Variants in LPAR1 observed in about 807,000 individuals in gnomAD.
LPAR1 encodes LPA receptor 1.
LPAR1 carries 5 observed loss-of-function variants against 23.8 expected under a neutral mutation model. That is an observed-to-expected ratio of 0.21 (90% confidence interval 0.11 to 0.44). The LOEUF is 0.44. LPAR1 is among the 20% of genes least tolerant of loss of function. LPAR1 has a pLI of 0.99. For missense variants in LPAR1, 311 were observed against 482.8 expected (o/e 0.64, Z 3.33); for synonymous variants, 160 against 164.7 (o/e 0.97, Z 0.22).
At chr9:110,992,867 G>A (rs944216382) in intron 2 of LPAR1, among the ~76,000 whole-genome samples, 4 of 152,250 alleles carry the variant, frequency 2.6e-5, no homozygotes, top group South Asian at 4.2e-4. Flanking sequence ...CAAACAACAG[G>A]AGAAAAGCTG....
chr9:110,914,259 G>A (rs991156288), intron 5 of LPAR1, among the ~76,000 whole-genome samples: 1 of 152,162 alleles, frequency 6.6e-6, no homozygotes, highest in East Asian at 1.9e-4. Flanking sequence ...ACATACCTGA[G>A]ACTGGATAAT....
chr9:110,912,294 C>A (rs1588278929), intron 5 of LPAR1, among the ~76,000 whole-genome samples: 1 of 152,290 alleles, frequency 6.6e-6, no homozygotes, highest in Non-Finnish European at 1.5e-5. Flanking sequence ...AATTGTGCAA[C>A]TTGTGAGCTT....
intron 5 of LPAR1, among the ~76,000 whole-genome samples, chr9:110,928,783 A>G (rs909925048): frequency 6.6e-6 from 1 of 152,178 alleles, no homozygotes; most frequent in African/African-American, 2.4e-5. Context: ...CAATCCCTTC[A>G]GCATAAAATG....
At chr9:111,012,468 C>T (rs555946928) in intron 2 of LPAR1, among the ~76,000 whole-genome samples, 3,320 of 113,934 alleles carry the variant, frequency 0.029, 58 homozygotes, top group Non-Finnish European at 0.042. Flanking sequence ...TACGCACGCG[C>T]GCACACACAC....
chr9:111,035,061 C>T (rs959743717), intron 2 of LPAR1, among the ~76,000 whole-genome samples: 11 of 152,194 alleles, frequency 7.2e-5, no homozygotes, highest in African/African-American at 2.7e-4. Context: ...TCGGTATGAA[C>T]CGTGAGGCTC....
At chr9:111,027,341 T>G (rs2097710909) in intron 2 of LPAR1, among the ~76,000 whole-genome samples, 1 of 151,742 alleles carries the variant, frequency 6.6e-6, no homozygotes, top group African/African-American at 2.4e-5. Flanking sequence ...AATAAATAAA[T>G]AAATAAATAA....
chr9:111,013,399 G>C (rs2097372570), intron 2 of LPAR1, among the ~76,000 whole-genome samples: 1 of 152,116 alleles, frequency 6.6e-6, no homozygotes, highest in African/African-American at 2.4e-5. Context: ...TCTAATTAAT[G>C]TTACCTTAAA....
At chr9:110,889,335 G>A (rs1001370999) in intron 5 of LPAR1, among the ~76,000 whole-genome samples, 2 of 152,044 alleles carry the variant, frequency 1.3e-5, no homozygotes, top group Admixed American at 1.3e-4. Context: ...TCCAGCCTGG[G>A]CAACAGAGTA....
chr9:110,929,709 T>C (rs1182265340), intron 5 of LPAR1, among the ~76,000 whole-genome samples: 1 of 59,992 alleles, frequency 1.7e-5, no homozygotes, highest in Non-Finnish European at 4.9e-5. Context: ...TGTGTGTGTG[T>C]GTGTGTGTGT....
At chr9:111,013,259 C>G (rs1477185518) in intron 2 of LPAR1, among the ~76,000 whole-genome samples, 1 of 152,084 alleles carries the variant, frequency 6.6e-6, no homozygotes, top group Admixed American at 6.6e-5. Context: ...AAACTACAGA[C>G]AAAACATCCT....
At chr9:111,002,872 C>T (rs1192416156) in intron 2 of LPAR1, among the ~76,000 whole-genome samples, 3 of 152,178 alleles carry the variant, frequency 2.0e-5, no homozygotes, top group African/African-American at 7.2e-5. Context: ...GGCATGGTGG[C>T]TCACACTTGT....
intron 5 of LPAR1, among the ~76,000 whole-genome samples, chr9:110,904,894 GAT>G (rs1588236169): frequency 6.6e-6 from 1 of 152,142 alleles, no homozygotes; most frequent in African/African-American, 2.4e-5. Flanking sequence ...ATCCAAAGAG[GAT>G]ATTGTATGAC....
intron 4 of LPAR1, among the ~76,000 whole-genome samples, chr9:110,970,605 C>T (rs2096386701): frequency 6.6e-6 from 1 of 151,894 alleles, no homozygotes; most frequent in African/African-American, 2.4e-5. Flanking sequence ...TGATGACATC[C>T]CAAATGGTGT....
chr9:111,017,186 A>C (rs1026662622), intron 2 of LPAR1, among the ~76,000 whole-genome samples: 2 of 152,166 alleles, frequency 1.3e-5, no homozygotes, highest in Non-Finnish European at 2.9e-5. Context: ...TAGCACCCTA[A>C]GGTGGGCCCT....
Position 110,997,675 on chromosome 9 carries a change from G to A in LPAR1, c.-181-24117C>T, listed in dbSNP as rs145102250. ...TTTTAAGTCTCCTTAATTCTGAAGC[G>A]TATGTCTGATTACATGCCATTATCT... On this transcript the variant is annotated intron_variant, in intron 2 of 5. Transcript: ENST00000683809. Among the ~76,000 whole-genome samples, 1,509 of 152,212 alleles carry A rather than the reference G, an allele frequency of 9.9e-3. 28 individuals carry two copies. The highest frequency in any genetic ancestry group is 0.034 in the African/African-American group (1,403 of 41,522).
chr9:110,915,440 T>C (rs2092976411), intron 5 of LPAR1, among the ~76,000 whole-genome samples: 1 of 151,954 alleles, frequency 6.6e-6, no homozygotes, highest in African/African-American at 2.4e-5. Context: ...GGAAGGCTGA[T>C]GCAGAAGCAG....
intron 2 of LPAR1, among the ~76,000 whole-genome samples, chr9:110,997,094 C>G (rs1403429664): frequency 6.6e-6 from 1 of 152,186 alleles, no homozygotes; most frequent in Admixed American, 6.5e-5. Context: ...GAAACATTAA[C>G]TCTTTCACAG....
chr9:110,908,244 T>C (rs1401792427), intron 5 of LPAR1, among the ~76,000 whole-genome samples: 1 of 150,574 alleles, frequency 6.6e-6, no homozygotes, highest in Non-Finnish European at 1.5e-5. Context: ...TTTACTTAAA[T>C]TATTTTAAAA....
intron 2 of LPAR1, among the ~76,000 whole-genome samples, chr9:111,017,804 G>A (rs542536181): frequency 1.2e-4 from 18 of 152,202 alleles, no homozygotes; most frequent in African/African-American, 4.1e-4. Flanking sequence ...GGCGGATCAC[G>A]AGATCAAGAG....
Sources: gnomAD v4.1 joint callset for allele counts (sites outside exome capture counted in the v4.1 genomes callset) on GRCh38, gnomAD v4.1.1 for gene constraint, MANE v1.5 for transcripts, NCBI Gene and HGNC (gene_info 2026-07-23, HGNC 2026-07-21) for gene names.